ADAMTS19: variants seen among roughly 807,000 people sequenced by gnomAD.
The protein encoded by ADAMTS19 is A disintegrin and metalloproteinase with thrombospondin motifs 19.
A neutral mutation model predicts 153.3 loss-of-function variants in ADAMTS19; 93 were observed. The observed-to-expected ratio is 0.61, with a 90% CI of 0.51 to 0.72. The LOEUF (loss-of-function observed/expected upper bound fraction) is 0.72. Ranked by LOEUF, ADAMTS19 falls within the 30% of genes least tolerant of loss-of-function variation. ADAMTS19 has a pLI of 0.00. For synonymous variants in ADAMTS19, 600 were observed against 556.6 expected, an observed-to-expected ratio of 1.08 and a Z score of -1.10; for missense variants, 1,482 against 1,552.1, an observed-to-expected ratio of 0.95 and a Z score of 0.76.
intron 18 of ADAMTS19, among the ~76,000 whole-genome samples, chr5:129,687,696 A>G (rs1422446596): frequency 6.6e-6 from 1 of 152,188 alleles, no homozygotes; most frequent in African/African-American, 2.4e-5. Flanking sequence ...TAGAGCCAGG[A>G]TTAGAATCAA....
In ADAMTS19 at chr5:129,622,206, C is replaced by G; in HGVS notation, c.1628C>G (p.Ala543Gly). 1 of 1,614,010 alleles carries G rather than the reference C, an allele frequency of 6.2e-7. No individual in the cohort carries two copies. The highest frequency in any genetic ancestry group is 8.5e-7 in the Non-Finnish European group (1 of 1,179,958). ...TACCTGCCTATTGCCAGGTCAAAGG[C>G]CAGTAACTGCTTGCTACAAACAAAT... ...EDLERFLRSKASNCLLQTNPQ... is the reference protein window; with the variant it reads ...EDLERFLRSKGSNCLLQTNPQ... The change falls in exon 10 of 23, where the codon GCC (alanine) becomes GGC (glycine). Residue 543 changes from alanine (A) to glycine (G), a missense_variant. By Grantham distance (60) the Ala-to-Gly change is moderately conservative. This residue lies in a region of ADAMTS19 where 866 missense variants were observed against 827.7 expected (regional missense o/e 1.05). Transcript: ENST00000274487.
At chr5:129,735,887 T>C (rs1275178696) in intron 22 of ADAMTS19, among the ~76,000 whole-genome samples, 1 of 152,022 alleles carries the variant, frequency 6.6e-6, no homozygotes, top group Non-Finnish European at 1.5e-5. Flanking sequence ...ATTTAATACC[T>C]TTGGTTTTAA....
At chr5:129,498,337 C>G (rs1750991565) in intron 2 of ADAMTS19, among the ~76,000 whole-genome samples, 1 of 152,060 alleles carries the variant, frequency 6.6e-6, no homozygotes, top group South Asian at 2.1e-4. Flanking sequence ...CCCTTCTCCC[C>G]ATCTTTGACT....
At chr5:129,658,761 A>G in intron 15 of ADAMTS19, 24 bp downstream of exon 15, 1 of 1,594,156 alleles carries the variant, frequency 6.3e-7, no homozygotes, top group Non-Finnish European at 8.5e-7. Flanking sequence ...ATTTTTTCAT[A>G]AATATTAATC....
At chr5:129,645,366 G>T (rs1364736847) in intron 11 of ADAMTS19, among the ~76,000 whole-genome samples, 2 of 152,090 alleles carry the variant, frequency 1.3e-5, no homozygotes, top group Non-Finnish European at 2.9e-5. Context: ...ATAACATATT[G>T]TATAATAGTT....
rs577696959 is a variant in ADAMTS19 at position 129,596,917 on chromosome 5, T to C, written c.1478+253T>C. Among the ~76,000 whole-genome samples, 338 of 152,314 alleles carry C rather than the reference T, an allele frequency of 2.2e-3. 1 individual carries two copies. The highest frequency in any genetic ancestry group is 3.2e-3 in the Non-Finnish European group (217 of 68,006). ...AAGACAGTCATTACATAGTGCATGA[T>C]TGATTTCACTACAGATTTGTAAATG... On this transcript the variant is annotated intron_variant, in intron 8 of 22. Coordinates refer to ENST00000274487, the MANE Select transcript of ADAMTS19 (RefSeq NM_133638.6).
At chr5:129,642,316 G>A (rs17673664) in intron 11 of ADAMTS19, among the ~76,000 whole-genome samples, 12,274 of 151,968 alleles carry the variant, frequency 0.081, 592 homozygotes, top group Middle Eastern at 0.15. Context: ...ATTGCCAATG[G>A]ATCTTTTCAA....
At chr5:129,699,667 G>GAAT (rs1165377325) in intron 19 of ADAMTS19, among the ~76,000 whole-genome samples, 4 of 152,122 alleles carry the variant, frequency 2.6e-5, no homozygotes, top group Non-Finnish European at 5.9e-5. Flanking sequence ...CCCATTGGTT[G>GAAT]AATGGAGAAG....
Position 129,527,814 on chromosome 5 carries a change from C to G in ADAMTS19, c.1153C>G (p.Leu385Val). ...CAATCTTCGTGTGATAAAGCTTATT[C>G]TGCTCCATGAAACTCCAGTAAGAAA... The part of the protein sequence containing the change: ...QVNLRVIKLI[L>V]LHETPPELYI... Residue 385 changes from leucine (L) to valine (V), a missense_variant, in exon 5 of 23, where the codon CTG becomes GTG. Around this residue, in one of 2 missense-constraint regions of ADAMTS19, gnomAD observed 866 missense variants for 827.7 expected, o/e 1.05. Coordinates refer to ENST00000274487, the MANE Select transcript of ADAMTS19 (RefSeq NM_133638.6). 6.3e-7 allele frequency: 1 copy of G among 1,595,222 alleles called. No homozygotes were observed. The highest frequency in any genetic ancestry group is 8.6e-7 in the Non-Finnish European group (1 of 1,167,284).
rs147321070 is a variant in ADAMTS19 at position 129,606,902 on chromosome 5, C to CTTTA, written c.1478+10266_1478+10269dup. ...AAGCCTGGTTGGAAATATGTTTCCA[C>CTTTA]TTTATTTATTTATTTATTTATTTAT... On this transcript the variant is annotated intron_variant, in intron 8 of 22. Transcript: ENST00000274487. 3.6e-3 allele frequency among the ~76,000 whole-genome samples: 540 copies of CTTTA among 149,992 alleles called. 5 individuals are homozygous for CTTTA. Among genetic ancestry groups the CTTTA allele is most frequent in the East Asian group, 3.8e-3 (19 of 5,002 alleles).
In ADAMTS19 at chr5:129,464,889, G is replaced by T. The variant is rs1580974344; in HGVS notation, c.747+3132G>T. Among the ~76,000 whole-genome samples, 3 of 152,168 alleles carry T rather than the reference G, an allele frequency of 2.0e-5. No individual in the cohort carries two copies. The South Asian group carries it at 6.2e-4, about 32-fold the overall frequency. On this transcript the variant is annotated intron_variant, in intron 2 of 22. Transcript: ENST00000274487. ...TTGAGTCATATATTAGATCTTATAA[G>T]CATGCAAATATACTACCACTAATCA...
At chr5:129,521,813 T>C (rs1751812579) in intron 3 of ADAMTS19, among the ~76,000 whole-genome samples, 1 of 152,162 alleles carries the variant, frequency 6.6e-6, no homozygotes, top group African/African-American at 2.4e-5. Flanking sequence ...TCTGGGTGCA[T>C]AGCCACACAT....
At chr5:129,516,909 T>C (rs6895368) in intron 3 of ADAMTS19, among the ~76,000 whole-genome samples, 3,124 of 147,190 alleles carry the variant, frequency 0.021, 129 homozygotes, top group African/African-American at 0.073. Context: ...TTTTTTTCGA[T>C]GTAGGCACTT....
rs192902297 is a variant in ADAMTS19 at position 129,513,863 on chromosome 5, A to C, written c.913+4621A>C. 3.1e-3 allele frequency among the ~76,000 whole-genome samples: 475 copies of C among 152,202 alleles called. 3 individuals carry two copies. The highest frequency in any genetic ancestry group is 5.1e-3 in the Non-Finnish European group (350 of 67,982). The stretch of plus-strand genomic sequence containing the variant: ...TTGACTATAGTTAACCTATTGTGCT[A>C]TCAAATAGTAGGTCTTATTCATTTT... On this transcript the variant is annotated intron_variant, in intron 3 of 22. Transcript: ENST00000274487.
chr5:129,676,956 C>T (rs1308406734), intron 16 of ADAMTS19, among the ~76,000 whole-genome samples: 1 of 152,174 alleles, frequency 6.6e-6, no homozygotes, highest in African/African-American at 2.4e-5. Context: ...TATTTCTTTA[C>T]ATTGTGCCCT....
chr5:129,604,784 T>C (rs980675760), intron 8 of ADAMTS19, among the ~76,000 whole-genome samples: 1 of 152,176 alleles, frequency 6.6e-6, no homozygotes, highest in African/African-American at 2.4e-5. Context: ...TAAATTCTTA[T>C]AAAAACAATA....
At chr5:129,536,143 A>C (rs942397237) in intron 6 of ADAMTS19, among the ~76,000 whole-genome samples, 2 of 152,218 alleles carry the variant, frequency 1.3e-5, no homozygotes, top group African/African-American at 4.8e-5. Flanking sequence ...CAATGGAGAA[A>C]ATTTTTGCAA....
Position 129,526,454 on chromosome 5 carries a change from A to G in ADAMTS19, c.1084A>G (p.Met362Val). Residue 362 changes from methionine to valine, a missense_variant and splice_region_variant, in exon 4 of 23, where the codon ATG becomes GTG. By Grantham distance (21) the Met-to-Val change is conservative (BLOSUM62 1). Transcript: ENST00000274487. The part of the protein sequence containing the change: ...ARRFILTILN[M>V]VFNLFQHKSL... ...GAGATTCATTCTAACCATCTTAAAT[A>G]TGGTAGGCAAACTTTAAAGTGCGCT... 1 of 1,588,124 alleles carries G rather than the reference A, an allele frequency of 6.3e-7. No individual in the cohort carries two copies. Among genetic ancestry groups the G allele is most frequent in the Non-Finnish European group, 8.5e-7 (1 of 1,170,982 alleles).
chr5:129,566,829 C>T (rs1753733403), intron 7 of ADAMTS19, among the ~76,000 whole-genome samples: 1 of 152,076 alleles, frequency 6.6e-6, no homozygotes, highest in Non-Finnish European at 1.5e-5. Flanking sequence ...AAATCTTCCT[C>T]TCTGATCTGA....
Sources: allele counts gnomAD v4.1 joint callset (sites outside exome capture counted in the v4.1 genomes callset), GRCh38; gene constraint gnomAD v4.1.1; regional missense constraint gnomAD v4.1.1; transcripts MANE v1.5; gene names NCBI Gene and HGNC (gene_info 2026-07-23, HGNC 2026-07-21).